The following SHANK2 variants were observed in gnomAD, a reference collection of about 807,000 sequenced individuals.
SHANK2 encodes the protein SH3 and multiple ankyrin repeat domains 2.
SHANK2 carries 43 observed loss-of-function variants against 133.7 expected under a neutral mutation model. The observed-to-expected ratio is 0.32, with a 90% CI of 0.25 to 0.41. The LOEUF (loss-of-function observed/expected upper bound fraction) is 0.41. SHANK2 is among the 10% of genes least tolerant of loss of function. SHANK2 has a pLI of 1.00. For synonymous variants in SHANK2, 1,017 were observed against 952.8 expected, an observed-to-expected ratio of 1.07 and a Z score of -1.24; for missense variants, 1,994 against 2,235.8, an observed-to-expected ratio of 0.89 and a Z score of 2.18.
Position 71,147,337 on chromosome 11 carries a change from G to A in SHANK2, c.-11C>T. 1.3e-6 allele frequency: 2 copies of A among 1,542,812 alleles called. No homozygotes were observed. Among genetic ancestry groups the A allele is most frequent in the Non-Finnish European group, 1.8e-6 (2 of 1,141,034 alleles). On this transcript the variant is annotated splice_region_variant and 5_prime_UTR_variant, in exon 3 of 26. Transcript: ENST00000601538. ...TGGGCTGCGCGGCATGGCTGCCTGTGTCTTCGAGGTGGGGAGAAGGAAGAC... is the reference window on the plus strand; with the variant it reads ...TGGGCTGCGCGGCATGGCTGCCTGTATCTTCGAGGTGGGGAGAAGGAAGAC...
intron 11 of SHANK2, among the ~76,000 whole-genome samples, chr11:70,892,313 G>A (rs79809331): frequency 3.3e-5 from 5 of 152,140 alleles, no homozygotes; most frequent in African/African-American, 1.2e-4. Context: ...GAGCGAGGGA[G>A]CCTGGATGAG....
chr11:70,725,174 C>T lies in SHANK2; in HGVS notation c.1778-26411G>A, dbSNP rs527288549. On this transcript the variant is annotated intron_variant, in intron 14 of 25. Transcript: ENST00000601538. ...AAATAACATGGGCAAAAATAAGCAC[C>T]GTACAGTGTACTAAAGGGAGGGATG... Among the ~76,000 whole-genome samples the T allele has an allele frequency of 8.5e-5, 13 of 152,140 alleles. No individual in the cohort carries two copies. The South Asian group carries it at 1.9e-3, about 22-fold the overall frequency.
intron 1 of SHANK2, among the ~76,000 whole-genome samples, chr11:71,241,312 A>G (rs1565532977): frequency 6.6e-6 from 1 of 152,220 alleles, no homozygotes. Flanking sequence ...GAGCTACATG[A>G]TCAACTCAGG....
chr11:70,953,219 C>G (rs1280681880), intron 10 of SHANK2, among the ~76,000 whole-genome samples: 5 of 152,046 alleles, frequency 3.3e-5, no homozygotes, highest in Non-Finnish European at 7.3e-5. Flanking sequence ...GGGTGGATCC[C>G]TCATGAACAG....
intron 2 of SHANK2, among the ~76,000 whole-genome samples, chr11:71,195,902 C>T (rs1953893969): frequency 6.6e-6 from 1 of 152,174 alleles, no homozygotes; most frequent in Non-Finnish European, 1.5e-5. Context: ...ATGTGATGGG[C>T]CGGGTGCAGT....
At chr11:70,870,957 T>C (rs1949449892) in intron 11 of SHANK2, among the ~76,000 whole-genome samples, 2 of 152,140 alleles carry the variant, frequency 1.3e-5, no homozygotes, top group African/African-American at 4.8e-5. Flanking sequence ...TTTGTATTTT[T>C]AGTAGAGACG....
intron 8 of SHANK2, among the ~76,000 whole-genome samples, chr11:71,087,806 T>A (rs1036130314): frequency 4.6e-5 from 7 of 152,264 alleles, no homozygotes; most frequent in Admixed American, 1.3e-4. Context: ...ATTTTTGTAT[T>A]TTTAGTAAGA....
chr11:70,715,228 C>G (rs1428647621), intron 14 of SHANK2, among the ~76,000 whole-genome samples: 1 of 152,208 alleles, frequency 6.6e-6, no homozygotes, highest in Admixed American at 6.5e-5. Flanking sequence ...ATCCTAGGTT[C>G]TTGGAGGAAG....
intron 10 of SHANK2, among the ~76,000 whole-genome samples, chr11:70,907,328 T>C (rs1279985205): frequency 2.6e-5 from 4 of 152,050 alleles, no homozygotes; most frequent in Admixed American, 2.6e-4. Flanking sequence ...ACCCCTCCCA[T>C]GGCTGAGTGA....
At position 70,479,950 on chromosome 11, in the gene SHANK2, C is replaced by T. The variant is rs2058711554; in HGVS notation, c.4979+5364G>A. ...TTAGCCCTTGAGTCTCCCTGCTTGT[C>T]TCCAGAATGCAGGCCCTACACTCCC... is the stretch of plus-strand genomic sequence containing the variant. On this transcript the variant is annotated intron_variant, in intron 25 of 25. Coordinates refer to ENST00000601538, the MANE Select transcript of SHANK2 (RefSeq NM_012309.5). This position sits in a 1 kb window ranked among gnomAD's most constrained non-coding sequence, Gnocchi z 4.4. Among the ~76,000 whole-genome samples, 1 of 152,278 alleles carries T rather than the reference C, an allele frequency of 6.6e-6. No homozygotes were observed. The highest frequency in any genetic ancestry group is 1.9e-4 in the East Asian group (1 of 5,178).
At chr11:70,822,267 G>A (rs1555056110) in intron 11 of SHANK2, among the ~76,000 whole-genome samples, 2 of 152,244 alleles carry the variant, frequency 1.3e-5, no homozygotes, top group African/African-American at 4.8e-5. Flanking sequence ...ACAGGACCAG[G>A]GCTACCATCT....
At chr11:70,903,999 C>G (rs990238729) in intron 10 of SHANK2, among the ~76,000 whole-genome samples, 2 of 152,198 alleles carry the variant, frequency 1.3e-5, no homozygotes, top group African/African-American at 4.8e-5. Context: ...AGACCCTCGA[C>G]CTGGTGCTTC....
chr11:70,911,207 T>TTTG (rs1565400862), intron 10 of SHANK2: 5 of 456,240 alleles, frequency 1.1e-5, no homozygotes, highest in Admixed American at 2.4e-5. Context: ...GATGAGTTTT[T>TTTG]TTGTTGTTGT....
chr11:70,502,730 T>TGGGGGGGGGGGGGGGGGGGGG, intron 18 of SHANK2, 66 bp downstream of exon 18: 5 of 772,456 alleles, frequency 6.5e-6, no homozygotes, highest in East Asian at 5.3e-5. Flanking sequence ...CCAGCTGTCC[T>TGGGGGGGGGGGGGGGGGGGGG]GCCCGCCCCC....
chr11:70,808,511 A>T (rs12291344), intron 12 of SHANK2, among the ~76,000 whole-genome samples: 6,164 of 143,946 alleles, frequency 0.043, 453 homozygotes, highest in African/African-American at 0.15. Context: ...CTATTTTGCC[A>T]CTATTTTAAA....
At position 70,685,662 on chromosome 11, in the gene SHANK2, T is replaced by C. The variant is rs115683153; in HGVS notation, c.1853+13026A>G. 3.6e-3 allele frequency among the ~76,000 whole-genome samples: 546 copies of C among 152,250 alleles called. 3 individuals are homozygous for C. Among genetic ancestry groups the C allele is most frequent in the African/African-American group, 0.012 (513 of 41,546 alleles). On this transcript the variant is annotated intron_variant, in intron 15 of 25. Coordinates refer to ENST00000601538, the MANE Select transcript of SHANK2 (RefSeq NM_012309.5). The stretch of plus-strand genomic sequence containing the variant: ...ATGGGGACAGGTGCCCAGTGCTTCA[T>C]TCTGTCCTGGAGAGAACGGGGCAGC...
intron 3 of SHANK2, among the ~76,000 whole-genome samples, chr11:71,125,745 C>T (rs374793303): frequency 5.3e-5 from 8 of 152,318 alleles, no homozygotes; most frequent in African/African-American, 7.2e-5. Flanking sequence ...GTAGACAAGA[C>T]GGTCTTCTAT....
chr11:70,760,677 C>T (rs921323754), intron 14 of SHANK2, among the ~76,000 whole-genome samples: 19 of 152,332 alleles, frequency 1.2e-4, no homozygotes, highest in African/African-American at 3.1e-4. Flanking sequence ...GCACAGGGAG[C>T]GGCTCGGGAA....
At chr11:70,525,033 C>A (rs1554971838) in intron 17 of SHANK2, among the ~76,000 whole-genome samples, 1 of 152,248 alleles carries the variant, frequency 6.6e-6, no homozygotes, top group African/African-American at 2.4e-5. Context: ...AGATAAGGCT[C>A]TGTGCAGGTC....
Sources: allele counts gnomAD v4.1 joint callset (sites outside exome capture counted in the v4.1 genomes callset), GRCh38; gene constraint gnomAD v4.1.1; non-coding constraint Gnocchi (gnomAD v3.1); transcripts MANE v1.5; gene names NCBI Gene and HGNC (gene_info 2026-07-23, HGNC 2026-07-21).